The following IL1RAP variants were observed in gnomAD, a reference collection of about 807,000 sequenced individuals.
IL1RAP encodes interleukin 1 receptor accessory protein.
IL1RAP carries 35 observed loss-of-function variants against 60.7 expected under a neutral mutation model. The observed-to-expected ratio is 0.58, with a 90% CI of 0.44 to 0.76. The LOEUF is 0.76. IL1RAP is among the 30% of genes least tolerant of loss of function. The pLI is 0.00. For missense variants in IL1RAP, 572 were observed against 693.9 expected (o/e 0.82, Z 1.97); for synonymous variants, 268 against 250.9 (o/e 1.07, Z -0.64).
At chr3:190,545,290 G>C (rs1420133829) in intron 1 of IL1RAP, among the ~76,000 whole-genome samples, 1 of 152,148 alleles carries the variant, frequency 6.6e-6, no homozygotes, top group African/African-American at 2.4e-5. Context: ...CCTAGGCTTT[G>C]GAGTTGAAGT....
At chr3:190,640,455 T>C (rs1308883757) in intron 9 of IL1RAP, among the ~76,000 whole-genome samples, 1 of 152,204 alleles carries the variant, frequency 6.6e-6, no homozygotes, top group East Asian at 1.9e-4. Flanking sequence ...TAGTCATAGG[T>C]CTCTGATTTA....
intron 3 of IL1RAP, among the ~76,000 whole-genome samples, chr3:190,583,035 A>G (rs544273141): frequency 2.6e-5 from 4 of 152,340 alleles, no homozygotes; most frequent in African/African-American, 9.6e-5. Flanking sequence ...CTCAGGGAAC[A>G]TCCCATCTCC....
chr3:190,564,067 T>G (rs1256657595), intron 2 of IL1RAP: 1 of 527,712 alleles, frequency 1.9e-6, no homozygotes, highest in African/African-American at 1.9e-5. Context: ...ATTAAACTTC[T>G]TTATCTGCAT....
At chr3:190,594,386 C>A (rs1191913164) in intron 3 of IL1RAP, among the ~76,000 whole-genome samples, 1 of 152,196 alleles carries the variant, frequency 6.6e-6, no homozygotes, top group African/African-American at 2.4e-5. Flanking sequence ...TCAGATTTCA[C>A]CATCTTTAGG....
chr3:190,556,762 G>A (rs1319266280), intron 2 of IL1RAP, among the ~76,000 whole-genome samples: 4 of 152,148 alleles, frequency 2.6e-5, no homozygotes, highest in Non-Finnish European at 5.9e-5. Context: ...GCTCTTTTTT[G>A]TAAATAATAT....
At chr3:190,531,229 C>A (rs181630037) in intron 1 of IL1RAP, among the ~76,000 whole-genome samples, 1 of 152,016 alleles carries the variant, frequency 6.6e-6, no homozygotes, top group Non-Finnish European at 1.5e-5. Flanking sequence ...CTAGCCTGAG[C>A]AACAGAGCAA....
chr3:190,656,786 T>A, exon 12 of IL1RAP: 1 of 533,888 alleles, frequency 1.9e-6, no homozygotes, highest in Non-Finnish European at 3.3e-6. Flanking sequence ...GAATCCAGAA[T>A]TATTGCCTCT....
intron 4 of IL1RAP, among the ~76,000 whole-genome samples, chr3:190,606,711 A>C (rs1272159381): frequency 1.3e-5 from 2 of 152,170 alleles, no homozygotes; most frequent in Admixed American, 6.6e-5. Flanking sequence ...CCATGTTCCT[A>C]AAGCAAATCT....
chr3:190,576,560 A>T lies in IL1RAP; in HGVS notation c.64+12207A>T, dbSNP rs76167031. On this transcript the variant is annotated intron_variant, in intron 3 of 11. Coordinates refer to ENST00000447382, the MANE Select transcript of IL1RAP (RefSeq NM_002182.4). ...GCGATGCCATTTTTTTTCACTCATCAGTCTGGCAGAGATTAAAGAACAATC... is the reference window on the plus strand; with the variant it reads ...GCGATGCCATTTTTTTTCACTCATCTGTCTGGCAGAGATTAAAGAACAATC... 2.2e-3 allele frequency among the ~76,000 whole-genome samples: 328 copies of T among 152,314 alleles called. 2 individuals carry two copies. The highest frequency in any genetic ancestry group is 7.5e-3 in the African/African-American group (313 of 41,574).
intron 2 of IL1RAP, among the ~76,000 whole-genome samples, chr3:190,557,659 G>A (rs1725539530): frequency 6.6e-6 from 1 of 152,132 alleles, no homozygotes; most frequent in African/African-American, 2.4e-5. Flanking sequence ...ACAAGGCTGT[G>A]TTATTTTCAA....
Position 190,547,023 on chromosome 3 carries a change from C to G in IL1RAP, c.-88-9107C>G, listed in dbSNP as rs577241749. Among the ~76,000 whole-genome samples, 11 of 152,310 alleles carry G rather than the reference C, an allele frequency of 7.2e-5. No individual in the cohort carries two copies. The South Asian group carries it at 2.1e-3, about 29-fold the overall frequency. On this transcript the variant is annotated intron_variant, in intron 1 of 11. Coordinates refer to ENST00000447382, the MANE Select transcript of IL1RAP (RefSeq NM_002182.4). Reference sequence around the variant, plus strand: ...ATATGCTTGTCAGAGCATTTTAAAACCTCACATAAGCACTGCTTGAGCACC... The same window carrying G: ...ATATGCTTGTCAGAGCATTTTAAAAGCTCACATAAGCACTGCTTGAGCACC...
At chr3:190,597,528 G>A (rs1325332759) in intron 3 of IL1RAP, among the ~76,000 whole-genome samples, 1 of 152,140 alleles carries the variant, frequency 6.6e-6, no homozygotes, top group African/African-American at 2.4e-5. Flanking sequence ...GGACTTCAGG[G>A]CCTCCATTTC....
chr3:190,579,729 C>T (rs903125506), intron 3 of IL1RAP, among the ~76,000 whole-genome samples: 1 of 152,166 alleles, frequency 6.6e-6, no homozygotes, highest in Admixed American at 6.5e-5. Context: ...GCAGCCAATC[C>T]ACAACCCATT....
chr3:190,623,164 A>T (rs1731928695), intron 6 of IL1RAP, among the ~76,000 whole-genome samples, 180 bp from the exon 7 acceptor site: 1 of 152,206 alleles, frequency 6.6e-6, no homozygotes, highest in African/African-American at 2.4e-5. Context: ...CCTTTATTTT[A>T]TGCTTTGCTT....
chr3:190,576,957 C>T (rs1010769202), intron 3 of IL1RAP, among the ~76,000 whole-genome samples: 1 of 151,906 alleles, frequency 6.6e-6, no homozygotes, highest in Non-Finnish European at 1.5e-5. Context: ...AAAAATTAGC[C>T]GGGCGCGGTG....
intron 9 of IL1RAP, among the ~76,000 whole-genome samples, chr3:190,639,707 C>T (rs146533865): frequency 1.6e-3 from 249 of 152,140 alleles, no homozygotes; most frequent in African/African-American, 5.6e-3. Context: ...ATTTTGAGTT[C>T]TGAATTTCGT....
chr3:190,532,363 C>T (rs998832103), intron 1 of IL1RAP, among the ~76,000 whole-genome samples: 32 of 151,134 alleles, frequency 2.1e-4, no homozygotes, highest in African/African-American at 7.3e-4. Context: ...CCTGGGTTCA[C>T]GCCATTCTCC....
chr3:190,561,440 C>T (rs1052029034), intron 2 of IL1RAP, among the ~76,000 whole-genome samples: 3 of 152,152 alleles, frequency 2.0e-5, no homozygotes, highest in Non-Finnish European at 4.4e-5. Flanking sequence ...GACAGGTTAT[C>T]TTTAGATTAG....
intron 5 of IL1RAP, among the ~76,000 whole-genome samples, chr3:190,611,678 G>A (rs1730837306): frequency 6.6e-6 from 1 of 152,144 alleles, no homozygotes; most frequent in African/African-American, 2.4e-5. Flanking sequence ...CCTTCAGGAG[G>A]GACTGGCAAA....
Sources: allele counts gnomAD v4.1 joint callset (sites outside exome capture counted in the v4.1 genomes callset), GRCh38; gene constraint gnomAD v4.1.1; transcripts MANE v1.5; gene names NCBI Gene and HGNC (gene_info 2026-07-23, HGNC 2026-07-21).